DHTKD1: variants seen among roughly 807,000 people sequenced by gnomAD.
DHTKD1 encodes the protein 2-oxoadipate dehydrogenase complex component E1.
DHTKD1 carries 78 observed loss-of-function variants against 101.8 expected under a neutral mutation model. That is an observed-to-expected ratio of 0.77 (90% CI 0.64 to 0.93). The LOEUF (loss-of-function observed/expected upper bound fraction) is 0.93, where lower values mean the gene tolerates loss of function less well. DHTKD1 is among the 40% of genes least tolerant of loss of function. DHTKD1 has a pLI of 0.00. For missense variants in DHTKD1, 1,223 were observed against 1,161.7 expected (o/e 1.05, Z -0.77); for synonymous variants, 462 against 450.3 (o/e 1.03, Z -0.33).
At position 12,069,204 on chromosome 10, in the gene DHTKD1, G is replaced by A; in HGVS notation, c.154+17G>A. On this transcript the variant is annotated intron_variant, in intron 1 of 16. Transcript: ENST00000263035. ...GCCCCCCAGGTCGGGGATGGGGCCC[G>A]GGCGGTGGGAGCGGGGGCTGGGACG... is the stretch of plus-strand genomic sequence containing the variant. 1.3e-6 allele frequency: 2 copies of A among 1,533,736 alleles called. No individual in the cohort carries two copies. Among genetic ancestry groups the A allele is most frequent in the Non-Finnish European group, 1.8e-6 (2 of 1,141,032 alleles).
At chr10:12,098,582 T>G (rs1188361089) in intron 8 of DHTKD1, among the ~76,000 whole-genome samples, 1 of 152,218 alleles carries the variant, frequency 6.6e-6, no homozygotes, top group East Asian at 1.9e-4. Context: ...TATGTTATTT[T>G]TGGATGGAAT....
intron 5 of DHTKD1, 83 bp from the exon 6 acceptor site, chr10:12,091,430 A>AAAAT: frequency 1.1e-6 from 1 of 890,892 alleles, no homozygotes; most frequent in Non-Finnish European, 1.6e-6. Flanking sequence ...AAAAAAAAAA[A>AAAAT]GTTATTCCAA....
Position 12,069,261 on chromosome 10 carries a change from G to A in DHTKD1, c.154+74G>A, listed in dbSNP as rs889488191. 14 of 1,369,684 alleles carry A rather than the reference G, an allele frequency of 1.0e-5. No individual in the cohort carries two copies. The African/African-American group carries it at 2.1e-4, about 20-fold the overall frequency. 84.8% of individuals were successfully genotyped at this position (1,369,684 alleles called of 1,614,324 possible). On this transcript the variant is annotated intron_variant, in intron 1 of 16. Coordinates refer to ENST00000263035, the MANE Select transcript of DHTKD1 (RefSeq NM_018706.7). ...CCTCCCCTGGCCGATTTGCGGTGGG[G>A]TGTCGGGGTCGGGGAACCGGCTGCC...
rs1469048658 is a variant in DHTKD1 at position 12,081,478 on chromosome 10, A to G, written c.161A>G (p.His54Arg). 6.2e-7 allele frequency: 1 copy of G among 1,614,058 alleles called. No individual in the cohort carries two copies. The highest frequency in any genetic ancestry group is 1.1e-5 in the South Asian group (1 of 91,084). The change falls in exon 2 of 17, where the codon CAT (histidine) becomes CGT (arginine). Residue 54 changes from histidine to arginine, a missense_variant. His to Arg is a conservative substitution (Grantham distance 29). Transcript: ENST00000263035. ...QGALERPPVD[H>R]GLARLVTVYC... is the part of the protein sequence containing the mutation. ...AAATTTTCCCCTGATTTAGTTGATC[A>G]TGGCCTTGCCAGGTTGGTGACAGTA...
rs1223153098 is a variant in DHTKD1 at position 12,084,646 on chromosome 10, C to T, written c.417C>T (p.Ser139=). 1.2e-6 allele frequency: 2 copies of T among 1,613,936 alleles called. No homozygotes were observed. The highest frequency in any genetic ancestry group is 1.3e-5 in the African/African-American group (1 of 74,998). ...QISIETSQLQ[S]QDEKDWFAKR... is the part of the protein sequence containing the mutation. ...CTATTGAAACCTCCCAACTTCAGAG[C>T]CAGGATGAGAAAGACTGGTTTGCCA... Residue 139 remains serine (S), a synonymous_variant, in exon 3 of 17, where the codon AGC becomes AGT. Transcript: ENST00000263035.
chr10:12,108,720 G>T (rs1046972735), intron 12 of DHTKD1, among the ~76,000 whole-genome samples: 7 of 152,174 alleles, frequency 4.6e-5, no homozygotes, highest in Non-Finnish European at 8.8e-5. Flanking sequence ...AAGTTGGAAA[G>T]AATTTACTGT....
intron 12 of DHTKD1, 52 bp downstream of exon 12, chr10:12,108,067 C>T (rs778369756): frequency 3.1e-5 from 42 of 1,366,680 alleles, no homozygotes; most frequent in Non-Finnish European, 4.4e-5. Context: ...CTTCCTAGAG[C>T]TTTTCTACCT....
intron 13 of DHTKD1, among the ~76,000 whole-genome samples, chr10:12,115,826 G>A (rs1319351461): frequency 6.6e-6 from 1 of 151,852 alleles, no homozygotes; most frequent in Non-Finnish European, 1.5e-5. Flanking sequence ...GGCATGCAGC[G>A]GCATAATCTT....
At position 12,085,621 on chromosome 10, in the gene DHTKD1, G is replaced by C. The variant is rs562634428; in HGVS notation, c.522+870G>C. On this transcript the variant is annotated intron_variant, in intron 3 of 16. Coordinates refer to ENST00000263035, the MANE Select transcript of DHTKD1 (RefSeq NM_018706.7). The stretch of plus-strand genomic sequence containing the variant: ...TGACTGGGCACAGTGGCTCGCGCCT[G>C]TCATCCCAGCCCTTTGGGAGGCTTA... Among the ~76,000 whole-genome samples the C allele has an allele frequency of 3.9e-5, 6 of 152,262 alleles. No homozygotes were observed. The South Asian group carries it at 1.0e-3, about 26-fold the overall frequency.
At chr10:12,070,680 G>A (rs981506978) in intron 1 of DHTKD1, among the ~76,000 whole-genome samples, 2 of 152,084 alleles carry the variant, frequency 1.3e-5, no homozygotes, top group African/African-American at 4.8e-5. Context: ...GTAGAGATGG[G>A]GTTTCACCAT....
At chr10:12,072,618 G>T (rs1440026883) in intron 1 of DHTKD1, among the ~76,000 whole-genome samples, 1 of 152,126 alleles carries the variant, frequency 6.6e-6, no homozygotes, top group African/African-American at 2.4e-5. Context: ...CTAGGTATTT[G>T]TAACAGCTTG....
Position 12,100,219 on chromosome 10 carries a change from G to A in DHTKD1, c.1713G>A (p.Trp571Ter), listed in dbSNP as rs1240503852. 1.9e-6 allele frequency: 3 copies of A among 1,595,216 alleles called. No individual in the cohort carries two copies. In the African/African-American group the frequency reaches 4.1e-5, roughly 22 times the overall value. The part of the protein sequence containing the change: ...EKMMDGIKLD[W>*]ATAEALALGS... ...TGATGGACGGAATCAAGCTAGACTG[G>A]GCCACCGCGGAAGCTCTTGCCTTGG... Residue 571 changes from tryptophan to a stop codon, truncating the protein, a stop_gained, in exon 9 of 17, where the codon TGG becomes TGA. Coordinates refer to ENST00000263035, the MANE Select transcript of DHTKD1 (RefSeq NM_018706.7). LOFTEE classifies it high-confidence loss of function.
chr10:12,072,579 A>G (rs1165480813), intron 1 of DHTKD1, among the ~76,000 whole-genome samples: 1 of 152,150 alleles, frequency 6.6e-6, no homozygotes, highest in Admixed American at 6.6e-5. Flanking sequence ...ACTAGTTACA[A>G]TTTGACCCAT....
At chr10:12,117,547 A>G in intron 13 of DHTKD1, 126 bp from the exon 14 acceptor site, 1 of 678,270 alleles carries the variant, frequency 1.5e-6, no homozygotes, top group East Asian at 2.9e-5. Context: ...TGCGTCTATT[A>G]GGACATGGGT....
intron 7 of DHTKD1, 27 bp downstream of exon 7, chr10:12,094,298 T>C (rs753505604): frequency 1.3e-6 from 2 of 1,590,032 alleles, no homozygotes; most frequent in African/African-American, 1.3e-5. Flanking sequence ...TTGTGTGATA[T>C]GCCCCCTAAA....
In DHTKD1 at chr10:12,090,453, TTCC is replaced by T; in HGVS notation, c.988-1058_988-1056del. On this transcript the variant is annotated intron_variant, in intron 5 of 16. Coordinates refer to ENST00000263035, the MANE Select transcript of DHTKD1 (RefSeq NM_018706.7). Reference sequence around the variant, plus strand: ...TTTCCTTCCTTCCTTCCTTCCTTCCTTCCTTCCTTCCTTCCTTCCTTCCTTCTT... The same window carrying T: ...TTTCCTTCCTTCCTTCCTTCCTTCCTTTCCTTCCTTCCTTCCTTCCTTCTT... 2.0e-5 allele frequency among the ~76,000 whole-genome samples: 3 copies of T among 147,818 alleles called. No homozygotes were observed. The Admixed American group carries it at 2.1e-4, about 10-fold the overall frequency.
In DHTKD1 at chr10:12,089,238, A is replaced by G. The variant is rs549007510; in HGVS notation, c.970A>G (p.Arg324Gly). 18 of 1,614,056 alleles carry G rather than the reference A, an allele frequency of 1.1e-5. No homozygotes were observed. The South Asian group carries it at 1.8e-4, about 16-fold the overall frequency. The part of the protein sequence containing the change: ...SPDNSAQPGD[R>G]VICLQVHGDA... ...AGACAACTCAGCCCAGCCGGGGGAC[A>G]GGGTCATTTGCTTACAGGTACTTGG... The change falls in exon 5 of 17, where the codon AGG becomes GGG. Residue 324 changes from arginine to glycine, a missense_variant. Coordinates refer to ENST00000263035, the MANE Select transcript of DHTKD1 (RefSeq NM_018706.7).
intron 7 of DHTKD1, 55 bp from the exon 8 acceptor site, chr10:12,097,629 T>C: frequency 2.0e-6 from 3 of 1,474,910 alleles, no homozygotes; most frequent in Non-Finnish European, 1.8e-6. Flanking sequence ...TCTCCTTGTC[T>C]CTATTAGATT....
At chr10:12,071,276 T>G (rs993794099) in intron 1 of DHTKD1, among the ~76,000 whole-genome samples, 6 of 152,136 alleles carry the variant, frequency 3.9e-5, no homozygotes, top group African/African-American at 1.4e-4. Context: ...CACCAGGTTA[T>G]GGGGAAGGCT....
Sources: allele counts gnomAD v4.1 joint callset (sites outside exome capture counted in the v4.1 genomes callset), GRCh38; gene constraint gnomAD v4.1.1; transcripts MANE v1.5; gene names NCBI Gene and HGNC (gene_info 2026-07-23, HGNC 2026-07-21).